The following SPOP variants were observed in gnomAD, a reference collection of about 807,000 sequenced individuals.
The protein encoded by SPOP is speckle type BTB/POZ protein, also known as speckle-type POZ protein.
SPOP carries 11 observed loss-of-function variants against 45.6 expected under a neutral mutation model. That is an observed-to-expected ratio of 0.24 (90% CI 0.15 to 0.40). The LOEUF is 0.40. Among genes scored for constraint, SPOP ranks in the 10% least tolerant of loss-of-function variants. SPOP has a pLI of 1.00. For synonymous variants in SPOP, 166 were observed against 166.3 expected (o/e 1.00, Z 0.01); for missense variants, 152 against 465.6 (o/e 0.33, Z 6.20).
intron 1 of SPOP, among the ~76,000 whole-genome samples, chr17:49,650,250 T>C (rs1024279093): frequency 1.3e-5 from 2 of 152,004 alleles, no homozygotes; most frequent in African/African-American, 4.8e-5. Flanking sequence ...ACCGGGGAGA[T>C]GAGATTTGTT....
At position 49,619,541 on chromosome 17, in the gene SPOP, CT is replaced by C. The variant is rs905774378; in HGVS notation, c.201-157del. Among the ~76,000 whole-genome samples, 1 of 151,234 alleles carries C rather than the reference CT, an allele frequency of 6.6e-6. No individual in the cohort carries two copies. The highest frequency in any genetic ancestry group is 1.5e-5 in the Non-Finnish European group (1 of 67,772). ...GACTAGTTGGGAACAACTTTTTTCT[CT>C]TTTTTTTTGAGACATGGTCTTACTC... On this transcript the variant is annotated intron_variant, in intron 3 of 9. Transcript: ENST00000504102. This position sits in a 1 kb window ranked among gnomAD's most constrained non-coding sequence, Gnocchi z 4.9.
rs1485886229 is a variant in SPOP at position 49,607,292 on chromosome 17, G to A, written c.795C>T (p.Asn265=). 6.2e-7 allele frequency: 1 copy of A among 1,614,054 alleles called. No homozygotes were observed. The highest frequency in any genetic ancestry group is 1.7e-5 in the Admixed American group (1 of 60,018). Residue 265 remains asparagine, a synonymous_variant, in exon 8 of 10, where the codon AAC becomes AAT. Transcript: ENST00000504102. The part of the protein sequence containing the change: ...MCFIYTGKAP[N]LDKMADDLLA... ...GCAAATCATCAGCCATTTTGTCGAGGTTTGGAGCCTTCCCCGTGTAAATGA... is the reference window on the plus strand; with the variant it reads ...GCAAATCATCAGCCATTTTGTCGAGATTTGGAGCCTTCCCCGTGTAAATGA...
intron 1 of SPOP, among the ~76,000 whole-genome samples, chr17:49,625,065 C>T (rs1010836815): frequency 7.2e-5 from 11 of 152,052 alleles, no homozygotes; most frequent in African/African-American, 2.4e-4. Context: ...TGGCCCCACC[C>T]CCAGAGTTTC....
chr17:49,632,582 T>C (rs2143381064), intron 1 of SPOP, among the ~76,000 whole-genome samples: 1 of 151,838 alleles, frequency 6.6e-6, no homozygotes, highest in East Asian at 1.9e-4. Flanking sequence ...AACCTCCACC[T>C]CCCGGGTTCA....
At position 49,622,759 on chromosome 17, in the gene SPOP, C is replaced by T. The variant is rs746338468; in HGVS notation, c.52G>A (p.Val18Ile). 56 of 1,614,030 alleles carry T rather than the reference C, an allele frequency of 3.5e-5. No individual in the cohort carries two copies. Among genetic ancestry groups the T allele is most frequent in the South Asian group, 7.7e-5 (7 of 91,092 alleles). Residue 18 changes from valine to isoleucine, a missense_variant, in exon 2 of 10, where the codon GTA (valine) becomes ATA (isoleucine). Val to Ile is a conservative substitution (Grantham distance 29, BLOSUM62 3). Transcript: ENST00000504102. Reference sequence around the variant, plus strand: ...TGTGTGTAGCACCAACTCTCAGCTACGGGGCCACTCGACATTTCTGCCGGA... The same window carrying T: ...TGTGTGTAGCACCAACTCTCAGCTATGGGGCCACTCGACATTTCTGCCGGA... ...PPPAEMSSGPVAESWCYTQIK... is the reference protein window; with the variant it reads ...PPPAEMSSGPIAESWCYTQIK...
intron 1 of SPOP, among the ~76,000 whole-genome samples, chr17:49,640,488 A>G (rs182573316): frequency 1.2e-3 from 179 of 152,256 alleles, no homozygotes; most frequent in Non-Finnish European, 2.2e-3. Context: ...CCTAAGATCT[A>G]TATTTCAGGG....
chr17:49,657,795 G>A (rs551352703), intron 1 of SPOP, among the ~76,000 whole-genome samples: 9 of 144,932 alleles, frequency 6.2e-5, no homozygotes, highest in Admixed American at 2.9e-4. Context: ...CCACCTCCCC[G>A]GGTTCAAGCG....
intron 1 of SPOP, chr17:49,636,942 GTAAAAATTTACTAGTCAAAAT>G (rs1477607073): frequency 6.6e-6 from 1 of 152,184 alleles, no homozygotes; most frequent in African/African-American, 2.4e-5. Flanking sequence ...GAAATGACTA[GTAAAAATTTACTAGTCAAAAT>G]TACCATTCTT....
intron 1 of SPOP, among the ~76,000 whole-genome samples, chr17:49,627,097 C>A (rs963512865): frequency 4.6e-5 from 7 of 152,208 alleles, no homozygotes; most frequent in African/African-American, 1.7e-4. Flanking sequence ...GATTTGCCCA[C>A]CTTGGCCTCC....
intron 7 of SPOP, among the ~76,000 whole-genome samples, 186 bp downstream of exon 7, chr17:49,607,688 T>G (rs6504617): frequency 0.19 from 29,517 of 152,050 alleles, 3,006 homozygotes; most frequent in East Asian, 0.35. Context: ...CCTCATTTAA[T>G]AAGTCAATCT....
At chr17:49,649,625 C>A (rs116894471) in intron 1 of SPOP, among the ~76,000 whole-genome samples, 1 of 151,074 alleles carries the variant, frequency 6.6e-6, no homozygotes, top group East Asian at 2.0e-4. Context: ...GAGGTCAGAT[C>A]GAGACCATCC....
chr17:49,669,551 G>T (rs2073110190), intron 1 of SPOP, among the ~76,000 whole-genome samples: 1 of 148,632 alleles, frequency 6.7e-6, no homozygotes, highest in South Asian at 2.2e-4. Context: ...CGGATCACAA[G>T]GTCAGGAGAT....
At chr17:49,630,452 T>A (rs1297284360) in intron 1 of SPOP, among the ~76,000 whole-genome samples, 2 of 152,126 alleles carry the variant, frequency 1.3e-5, no homozygotes, top group Non-Finnish European at 2.9e-5. Context: ...ATACTAAATA[T>A]ACTTAAAAAA....
rs1271091972 is a variant in SPOP, at chr17:49,611,416, A to G, written c.522T>C (p.Asn174=). ...VQDSVNISGQ[N]TMNMVKVPEC... is the part of the protein sequence containing the mutation. ...CAGGAACCTTTACCATGTTCATGGT[A>G]TTCTGGCCAGAAATGTTGACAGAAT... The change falls in exon 6 of 10, where the codon AAT becomes AAC. Residue 174 remains asparagine, a synonymous_variant. Coordinates refer to ENST00000504102, the MANE Select transcript of SPOP (RefSeq NM_001007228.2). 3.7e-6 allele frequency: 6 copies of G among 1,614,164 alleles called. No individual in the cohort carries two copies. The highest frequency in any genetic ancestry group is 5.1e-6 in the Non-Finnish European group (6 of 1,180,030).
chr17:49,651,629 C>A, intron 1 of SPOP, among the ~76,000 whole-genome samples: 1 of 152,182 alleles, frequency 6.6e-6, no homozygotes, highest in East Asian at 1.9e-4. Context: ...TCCTTTATTT[C>A]CTCTTTCAAA....
rs1351168640 is a variant in SPOP, at chr17:49,668,800, G to T, written c.-67+9133C>A. Reference sequence around the variant, plus strand: ...CTTTTTTTTTTTTTTTTGAGACGGAGTCTCTCACTCTTGTCACCCAGACTG... The same window carrying T: ...CTTTTTTTTTTTTTTTTGAGACGGATTCTCTCACTCTTGTCACCCAGACTG... On this transcript the variant is annotated intron_variant, in intron 1 of 9. Transcript: ENST00000504102. Among the ~76,000 whole-genome samples the T allele has an allele frequency of 3.5e-5, 5 of 143,718 alleles. No homozygotes were observed. The East Asian group carries it at 8.0e-4, about 23-fold the overall frequency. The allele number at this position is 143,718 out of a possible 152,430, so 94.3% of individuals were successfully genotyped here. A position where few individuals can be genotyped will look rare whatever the true frequency, so the allele number is the denominator to read the frequency against.
rs190036536 is a variant in SPOP, at chr17:49,674,153, A to T, written c.-67+3780T>A. 6.1e-3 allele frequency among the ~76,000 whole-genome samples: 924 copies of T among 152,314 alleles called. 7 individuals carry two copies. Among genetic ancestry groups the T allele is most frequent in the African/African-American group, 0.016 (671 of 41,564 alleles). On this transcript the variant is annotated intron_variant, in intron 1 of 9. Coordinates refer to ENST00000504102, the MANE Select transcript of SPOP (RefSeq NM_001007228.2). ...CAGCCGTGAAACTTGGTCTCAAAAAAAAATAAATAAATAAATAAAAAGATT... is the reference window on the plus strand; with the variant it reads ...CAGCCGTGAAACTTGGTCTCAAAAATAAATAAATAAATAAATAAAAAGATT...
intron 8 of SPOP, among the ~76,000 whole-genome samples, chr17:49,602,992 T>C (rs543522028): frequency 1.3e-4 from 20 of 152,294 alleles, no homozygotes; most frequent in Non-Finnish European, 2.8e-4. Flanking sequence ...ATTGATCAGT[T>C]CACAGGAAAA....
chr17:49,654,009 TA>T (rs1377874119), intron 1 of SPOP, among the ~76,000 whole-genome samples: 1 of 152,162 alleles, frequency 6.6e-6, no homozygotes, highest in African/African-American at 2.4e-5. Context: ...CAAGAAGGCC[TA>T]ATTCTGTCTT....
Sources: gnomAD v4.1 joint callset for allele counts (sites outside exome capture counted in the v4.1 genomes callset) on GRCh38, gnomAD v4.1.1 for gene constraint, Gnocchi (gnomAD v3.1) non-coding constraint, MANE v1.5 for transcripts, NCBI Gene and HGNC (gene_info 2026-07-23, HGNC 2026-07-21) for gene names.